RYR3: variants seen among roughly 807,000 people sequenced by gnomAD.
The protein encoded by RYR3 is ryanodine receptor 3.
RYR3 carries 207 observed loss-of-function variants against 584.3 expected under a neutral mutation model. The observed-to-expected ratio is 0.35, with a 90% CI of 0.32 to 0.40. RYR3 has a LOEUF of 0.40. Ranked by LOEUF, RYR3 falls within the 10% of genes least tolerant of loss-of-function variation. The pLI, the probability that RYR3 is intolerant of heterozygous loss-of-function variation, is 1.00. For synonymous variants in RYR3, 2,416 were observed against 2,248.5 expected, an observed-to-expected ratio of 1.07 and a Z score of -2.11; for missense variants, 5,616 against 6,089.2, an observed-to-expected ratio of 0.92 and a Z score of 2.59.
chr15:33,494,399 G>A (rs543544359), intron 2 of RYR3, among the ~76,000 whole-genome samples: 1 of 152,080 alleles, frequency 6.6e-6, no homozygotes. Context: ...CCTCAGGCCA[G>A]CACAGTGCCT....
At chr15:33,521,136 C>T (rs747374904) in intron 3 of RYR3, among the ~76,000 whole-genome samples, 1 of 152,066 alleles carries the variant, frequency 6.6e-6, no homozygotes, top group African/African-American at 2.4e-5. Context: ...AGAATCAACT[C>T]TAGGTTACCA....
In RYR3 at chr15:33,785,748, G is replaced by A. The variant is rs200830195; in HGVS notation, c.9355G>A (p.Glu3119Lys). The A allele has an allele frequency of 2.5e-3, 3,998 of 1,613,908 alleles. 15 individuals carry two copies. The highest frequency in any genetic ancestry group is 2.9e-3 in the South Asian group (263 of 91,078). The change falls in exon 66 of 104, where the codon GAG becomes AAG. Residue 3119 changes from glutamate (E) to lysine (K), a missense_variant. Physicochemically the swap from Glu to Lys is moderately conservative, Grantham distance 56. Around this residue, in one of 9 missense-constraint regions of RYR3, gnomAD observed 954 missense variants for 1,132.2 expected, o/e 0.84. Transcript: ENST00000634891. Reference protein sequence around the residue: ...GLMKEINDLAESGARYTEMPH... With the variant: ...GLMKEINDLAKSGARYTEMPH... ...GATGAAGGAAATCAACGACCTGGCCGAGTCAGGGGCCCGGTACACAGAGAT... is the reference window on the plus strand; with the variant it reads ...GATGAAGGAAATCAACGACCTGGCCAAGTCAGGGGCCCGGTACACAGAGAT...
intron 2 of RYR3, among the ~76,000 whole-genome samples, chr15:33,497,688 T>C (rs1237387554): frequency 6.6e-6 from 1 of 152,230 alleles, no homozygotes; most frequent in African/African-American, 2.4e-5. Context: ...TTAGCACATC[T>C]ATAGCCTCAA....
intron 102 of RYR3, among the ~76,000 whole-genome samples, chr15:33,863,411 G>C (rs568347239): frequency 1.3e-5 from 2 of 152,096 alleles, no homozygotes; most frequent in Non-Finnish European, 2.9e-5. Context: ...AAGATCTGGG[G>C]CTTAGACTCT....
chr15:33,841,764 C>A (rs948733893), intron 90 of RYR3, 100 bp from the exon 91 acceptor site: 1 of 1,219,290 alleles, frequency 8.2e-7, no homozygotes, highest in Non-Finnish European at 1.1e-6. Context: ...GATTCTACCT[C>A]CCGGCCCTCT....
At chr15:33,417,329 G>C (rs1317632032) in intron 1 of RYR3, among the ~76,000 whole-genome samples, 2 of 152,120 alleles carry the variant, frequency 1.3e-5, no homozygotes, top group Admixed American at 1.3e-4. Context: ...AGCATGGAAT[G>C]TCTCTCCATT....
chr15:33,739,988 A>G lies in RYR3; in HGVS notation c.7813A>G (p.Thr2605Ala), dbSNP rs1353767640. Residue 2605 changes from threonine (T) to alanine (A), a missense_variant, in exon 51 of 104, where the codon ACC (threonine) becomes GCC (alanine). By Grantham distance (58) the Thr-to-Ala change is moderately conservative (BLOSUM62 0). Transcript: ENST00000634891. ...DGNFDPKPIN[T>A]MNFSLPEKLE... is the part of the protein sequence containing the mutation. The stretch of plus-strand genomic sequence containing the variant: ...CAACTTTGACCCAAAACCTATTAAC[A>G]CCATGAAGTGAGTCCAGAATCATCT... 1.9e-6 allele frequency: 3 copies of G among 1,613,760 alleles called. No homozygotes were observed. Among genetic ancestry groups the G allele is most frequent in the East Asian group, 2.2e-5 (1 of 44,874 alleles).
At chr15:33,497,763 C>T (rs1329073996) in intron 2 of RYR3, among the ~76,000 whole-genome samples, 2 of 152,118 alleles carry the variant, frequency 1.3e-5, no homozygotes, top group Non-Finnish European at 2.9e-5. Flanking sequence ...TTAAAATATA[C>T]ATTAAATTAT....
At chr15:33,675,853 C>T (rs1213181858) in intron 38 of RYR3, among the ~76,000 whole-genome samples, 1 of 152,086 alleles carries the variant, frequency 6.6e-6, no homozygotes, top group African/African-American at 2.4e-5. Flanking sequence ...CCCTTACCAG[C>T]TTTGTGTAGC....
chr15:33,662,927 A>G lies in RYR3; in HGVS notation c.5397A>G (p.Leu1799=). The change falls in exon 35 of 104, where the codon TTA becomes TTG. Residue 1799 remains leucine, a synonymous_variant. Transcript: ENST00000634891. Reference sequence around the variant, plus strand: ...TCAAAGGCTTGTTGCAGACTCGATTACCCGAATCCGTCAAGCTGCAGGTAA... The same window carrying G: ...TCAAAGGCTTGTTGCAGACTCGATTGCCCGAATCCGTCAAGCTGCAGGTAA... The part of the protein sequence containing the change: ...APVKGLLQTR[L]PESVKLQMCE... 1 of 1,612,532 alleles carries G rather than the reference A, an allele frequency of 6.2e-7. No individual in the cohort carries two copies. The highest frequency in any genetic ancestry group is 8.5e-7 in the Non-Finnish European group (1 of 1,179,426).
chr15:33,713,847 C>T (rs1452851030), intron 43 of RYR3, among the ~76,000 whole-genome samples: 1 of 152,124 alleles, frequency 6.6e-6, no homozygotes, highest in Non-Finnish European at 1.5e-5. Context: ...TCTCTGGGGC[C>T]TCTTTTGTAG....
At chr15:33,321,771 G>C (rs1455338514) in intron 1 of RYR3, among the ~76,000 whole-genome samples, 1 of 152,236 alleles carries the variant, frequency 6.6e-6, no homozygotes, top group Non-Finnish European at 1.5e-5. Flanking sequence ...TCTCCTTAAA[G>C]AAAGGAGAGT....
At chr15:33,798,996 G>T (rs1369655893) in intron 67 of RYR3, among the ~76,000 whole-genome samples, 1 of 152,110 alleles carries the variant, frequency 6.6e-6, no homozygotes, top group African/African-American at 2.4e-5. Context: ...TTTGGTAGCT[G>T]TTACCCTACA....
intron 19 of RYR3, among the ~76,000 whole-genome samples, chr15:33,623,001 G>C (rs1262191975): frequency 6.6e-5 from 10 of 152,198 alleles, no homozygotes. Flanking sequence ...CTGCATGGTG[G>C]TAATCAGAGC....
chr15:33,453,675 G>A (rs28721470), intron 1 of RYR3, among the ~76,000 whole-genome samples: 1 of 152,122 alleles, frequency 6.6e-6, no homozygotes, highest in Admixed American at 6.5e-5. Flanking sequence ...GAGTTGCATC[G>A]TCTTTGTGTT....
intron 90 of RYR3, 87 bp from the exon 91 acceptor site, chr15:33,841,777 A>T: frequency 7.3e-7 from 1 of 1,376,052 alleles, no homozygotes; most frequent in Non-Finnish European, 9.8e-7. Context: ...GGCCCTCTCA[A>T]TCCAGATTTC....
chr15:33,801,009 G>A (rs374756237), intron 68 of RYR3, among the ~76,000 whole-genome samples, 152 bp downstream of exon 68: 10 of 152,338 alleles, frequency 6.6e-5, no homozygotes, highest in Non-Finnish European at 1.0e-4. Context: ...TGCCTCAGGA[G>A]GTCCTGAGAA....
At chr15:33,666,463 T>C (rs2152714252) in intron 36 of RYR3, among the ~76,000 whole-genome samples, 1 of 152,312 alleles carries the variant, frequency 6.6e-6, no homozygotes, top group South Asian at 2.1e-4. Flanking sequence ...GCCATCCCTC[T>C]CAGAGTATTC....
chr15:33,323,351 G>A (rs535058763), intron 1 of RYR3, among the ~76,000 whole-genome samples: 17 of 152,104 alleles, frequency 1.1e-4, no homozygotes, highest in Admixed American at 5.2e-4. Context: ...CTCATGATCC[G>A]CCTGCCCCGG....
Sources: gnomAD v4.1 joint callset for allele counts (sites outside exome capture counted in the v4.1 genomes callset) on GRCh38, gnomAD v4.1.1 for gene constraint, gnomAD v4.1.1 regional missense constraint, MANE v1.5 for transcripts, NCBI Gene and HGNC (gene_info 2026-07-23, HGNC 2026-07-21) for gene names.